Variants in MICAL3 observed in about 807,000 individuals in gnomAD.
The protein encoded by MICAL3 is microtubule associated monooxygenase, calponin and LIM domain containing 3.
MICAL3 carries 62 observed loss-of-function variants against 207.4 expected under a neutral mutation model. The ratio of observed to expected loss-of-function variants is 0.30; its 90% CI spans 0.24 to 0.37. The LOEUF (loss-of-function observed/expected upper bound fraction) is 0.37. Ranked by LOEUF, MICAL3 falls within the 10% of genes least tolerant of loss-of-function variation. The pLI is 1.00. For synonymous variants in MICAL3, 1,077 were observed against 1,069.3 expected (o/e 1.01, Z -0.14); for missense variants, 2,368 against 2,635.6 (o/e 0.90, Z 2.22).
intron 2 of MICAL3, 144 bp from the exon 3 acceptor site, chr22:17,904,983 G>C: frequency 1.5e-6 from 1 of 652,340 alleles, no homozygotes; most frequent in Non-Finnish European, 2.7e-6. Flanking sequence ...CACCTACGTG[G>C]GTCACAGCAG....
Position 17,871,967 on chromosome 22 carries a change from G to T in MICAL3, c.2298C>A (p.Phe766Leu). The T allele has an allele frequency of 6.2e-7, 1 of 1,611,356 alleles. No individual in the cohort carries two copies. Among genetic ancestry groups the T allele is most frequent in the Non-Finnish European group, 8.5e-7 (1 of 1,179,030 alleles). ...QNLGGSDTCY[F>L]CQKRVYVMER... ...CCATCACGTAGACCCGCTTCTGGCAGAAGTAGCATGTGTCGCTGCCTCCCA... is the reference window on the plus strand; with the variant it reads ...CCATCACGTAGACCCGCTTCTGGCATAAGTAGCATGTGTCGCTGCCTCCCA... Residue 766 changes from phenylalanine (F) to leucine (L), a missense_variant, in exon 17 of 32, where the codon TTC becomes TTA. Phe to Leu is a conservative substitution (Grantham distance 22). Transcript: ENST00000441493.
At chr22:17,843,666 C>T (rs1924313469) in intron 19 of MICAL3, among the ~76,000 whole-genome samples, 1 of 152,220 alleles carries the variant, frequency 6.6e-6, no homozygotes, top group African/African-American at 2.4e-5. Context: ...CACTTAACGC[C>T]TGCCACCTGG....
chr22:17,859,934 C>T (rs538848044), intron 19 of MICAL3, among the ~76,000 whole-genome samples: 2 of 152,312 alleles, frequency 1.3e-5, no homozygotes, highest in Admixed American at 6.5e-5. Context: ...AGCAAAACTT[C>T]GCACCACTCC....
chr22:17,972,787 G>C (rs551920842), intron 1 of MICAL3, among the ~76,000 whole-genome samples: 1 of 152,324 alleles, frequency 6.6e-6, no homozygotes, highest in East Asian at 1.9e-4. Flanking sequence ...AATCCAAATT[G>C]TTGTAGTATT....
chr22:17,883,958 GA>G (rs983289565), intron 16 of MICAL3, among the ~76,000 whole-genome samples: 52 of 152,304 alleles, frequency 3.4e-4, no homozygotes, highest in African/African-American at 1.2e-3. Flanking sequence ...GTCAACTTGA[GA>G]CAAATGTGAC....
chr22:17,957,350 T>C lies in MICAL3; in HGVS notation c.-74-50464A>G, dbSNP rs151032319. Among the ~76,000 whole-genome samples the C allele has an allele frequency of 2.4e-3, 362 of 152,326 alleles. 5 individuals carry two copies. Among genetic ancestry groups the C allele is most frequent in the South Asian group, 5.4e-3 (26 of 4,832 alleles). ...CTTTTACATAAAAAGAAAATCTTCT[T>C]TCATGCTAAGCCACATTTTGCAATT... On this transcript the variant is annotated intron_variant, in intron 1 of 31. Transcript: ENST00000441493.
chr22:17,877,704 G>A (rs1302679144), intron 16 of MICAL3, among the ~76,000 whole-genome samples: 1 of 151,982 alleles, frequency 6.6e-6, no homozygotes, highest in Non-Finnish European at 1.5e-5. Flanking sequence ...AGTTCAGAGG[G>A]AAAAAGAGAG....
intron 9 of MICAL3, 124 bp from the exon 10 acceptor site, chr22:17,895,534 C>T (rs1346645849): frequency 8.6e-7 from 1 of 1,163,008 alleles, no homozygotes; most frequent in Admixed American, 2.1e-5. Context: ...TCATCCTTGA[C>T]CAGTCTTCTT....
At chr22:17,872,995 A>C in intron 16 of MICAL3, 1 of 650,972 alleles carries the variant, frequency 1.5e-6, no homozygotes, top group South Asian at 1.8e-5. Flanking sequence ...AACCATGCCA[A>C]CACAGTGCTC....
chr22:17,929,446 T>C (rs1933115020), intron 1 of MICAL3, among the ~76,000 whole-genome samples: 1 of 152,108 alleles, frequency 6.6e-6, no homozygotes, highest in Non-Finnish European at 1.5e-5. Flanking sequence ...TTGGGTTATT[T>C]AACTTCCAAT....
chr22:17,843,836 C>T (rs1480045574), intron 19 of MICAL3, among the ~76,000 whole-genome samples: 1 of 150,308 alleles, frequency 6.7e-6, no homozygotes, highest in East Asian at 1.9e-4. Flanking sequence ...GTGGTAGCAG[C>T]CTGGTGTTAC....
intron 1 of MICAL3, among the ~76,000 whole-genome samples, chr22:17,933,298 T>C (rs1297076230): frequency 1.3e-5 from 2 of 152,106 alleles, no homozygotes; most frequent in Non-Finnish European, 2.9e-5. Context: ...AATCAAATTA[T>C]AACTCAGGAT....
chr22:17,862,581 T>C, intron 19 of MICAL3: 1 of 985,364 alleles, frequency 1.0e-6, no homozygotes, highest in Non-Finnish European at 1.2e-6. Context: ...TTTCTGAAAC[T>C]TTTCAAAAGG....
chr22:17,891,369 GA>G, intron 12 of MICAL3, 115 bp downstream of exon 12: 1 of 861,524 alleles, frequency 1.2e-6, no homozygotes, highest in Non-Finnish European at 1.8e-6. Flanking sequence ...GCCTTCTAGA[GA>G]AAGTATCTTA....
chr22:18,001,972 C>T (rs1322721971), intron 1 of MICAL3, among the ~76,000 whole-genome samples: 1 of 151,898 alleles, frequency 6.6e-6, no homozygotes, highest in Non-Finnish European at 1.5e-5. Context: ...CCGAGGCATG[C>T]GGATCACTTG....
At chr22:17,931,106 C>T (rs1933240310) in intron 1 of MICAL3, among the ~76,000 whole-genome samples, 1 of 152,200 alleles carries the variant, frequency 6.6e-6, no homozygotes, top group South Asian at 2.1e-4. Context: ...TCTGACATCC[C>T]CACCATCTGG....
At position 17,879,384 on chromosome 22, in the gene MICAL3, C is replaced by T; in HGVS notation, c.2241+6494G>A. On this transcript the variant is annotated intron_variant, in intron 16 of 31. Transcript: ENST00000441493. ...GGGCTCTGCTTGCCACGGTTGTCAG[C>T]ATCAAGATCCCTGTATGTCTGTTGG... 4 of 1,612,570 alleles carry T rather than the reference C, an allele frequency of 2.5e-6. No homozygotes were observed. In the South Asian group the frequency reaches 4.4e-5, roughly 18 times the overall value.
chr22:17,885,981 T>C lies in MICAL3; in HGVS notation c.2138A>G (p.Asp713Gly). 6.2e-7 allele frequency: 1 copy of C among 1,614,014 alleles called. No homozygotes were observed. Among genetic ancestry groups the C allele is most frequent in the South Asian group, 1.1e-5 (1 of 91,086 alleles). Residue 713 changes from aspartate (D) to glycine (G), a missense_variant, in exon 16 of 32, where the codon GAC becomes GGC. This residue lies in a region of MICAL3 where 1,770 missense variants were observed against 1,863.2 expected (regional missense o/e 0.95). Coordinates refer to ENST00000441493, the MANE Select transcript of MICAL3 (RefSeq NM_015241.3). ...LVSTLTDRRMDVAVGNQNKVK... is the reference protein window; with the variant it reads ...LVSTLTDRRMGVAVGNQNKVK... Reference sequence around the variant, plus strand: ...TTTGTTCTGGTTCCCAACGGCAACGTCCATCCTCCTGTCTGTCAGAGTGCT... The same window carrying C: ...TTTGTTCTGGTTCCCAACGGCAACGCCCATCCTCCTGTCTGTCAGAGTGCT...
chr22:17,818,647 G>A lies in MICAL3; in HGVS notation c.4014C>T (p.Leu1338=), dbSNP rs1483165584. The A allele has an allele frequency of 2.5e-6, 4 of 1,613,544 alleles. No homozygotes were observed. The highest frequency in any genetic ancestry group is 2.7e-5 in the African/African-American group (2 of 74,938). ...TGCTGCGGTCCACAGGTGTGAGCCC[G>A]AGGCTGCGGCGGATCTCCGCACTCT... is the stretch of plus-strand genomic sequence containing the variant. The part of the protein sequence containing the change: ...WMKSAEIRRS[L]GLTPVDRSKG... The change falls in exon 26 of 32, where the codon CTC becomes CTT. Residue 1338 remains leucine (L), a synonymous_variant. Coordinates refer to ENST00000441493, the MANE Select transcript of MICAL3 (RefSeq NM_015241.3).
Sources: allele counts gnomAD v4.1 joint callset (sites outside exome capture counted in the v4.1 genomes callset), GRCh38; gene constraint gnomAD v4.1.1; regional missense constraint gnomAD v4.1.1; transcripts MANE v1.5; gene names NCBI Gene and HGNC (gene_info 2026-07-23, HGNC 2026-07-21).